Variants in CSMD1 observed in about 807,000 individuals in gnomAD.
CSMD1 encodes the protein CUB and sushi domain-containing protein 1.
In CSMD1, 213 loss-of-function variants were observed where a neutral mutation model predicts 417.5. That is an observed-to-expected ratio of 0.51 (90% confidence interval 0.46 to 0.57). The LOEUF (loss-of-function observed/expected upper bound fraction) is 0.57. Among genes scored for constraint, CSMD1 ranks in the 20% least tolerant of loss-of-function variants. The pLI is 0.00. For synonymous variants in CSMD1, 2,862 were observed against 1,736.8 expected (o/e 1.65, Z -16.11); for missense variants, 6,923 against 4,529.7 (o/e 1.53, Z -15.17).
chr8:4,739,331 T>G (rs1810450743), intron 1 of CSMD1, among the ~76,000 whole-genome samples: 1 of 152,322 alleles, frequency 6.6e-6, no homozygotes, highest in Middle Eastern at 3.4e-3. Context: ...ACTAGATATT[T>G]TATGGAGGAA....
intron 1 of CSMD1, among the ~76,000 whole-genome samples, chr8:4,753,197 G>T (rs1019620519): frequency 1.3e-5 from 2 of 152,000 alleles, no homozygotes; most frequent in Non-Finnish European, 2.9e-5. Flanking sequence ...CAGGAGTAAG[G>T]CCCGGGTCCC....
intron 7 of CSMD1, 111 bp from the exon 8 acceptor site, chr8:3,616,908 T>G (rs1453987636): frequency 7.6e-6 from 5 of 660,980 alleles, no homozygotes; most frequent in Non-Finnish European, 1.3e-5. Context: ...ACTTAAAATG[T>G]GATCTCCAAA....
At chr8:4,675,707 T>G (rs1352447910) in intron 1 of CSMD1, among the ~76,000 whole-genome samples, 1 of 152,140 alleles carries the variant, frequency 6.6e-6, no homozygotes, top group Non-Finnish European at 1.5e-5. Flanking sequence ...TATTTGGTAT[T>G]TTTTTTGCAT....
intron 2 of CSMD1, among the ~76,000 whole-genome samples, chr8:4,423,954 G>C (rs974082165): frequency 1.3e-5 from 2 of 151,958 alleles, no homozygotes; most frequent in South Asian, 2.1e-4. Flanking sequence ...AGATTCAAAA[G>C]AAATTGCATA....
intron 2 of CSMD1, among the ~76,000 whole-genome samples, chr8:4,477,178 T>C (rs145857273): frequency 1.3e-4 from 20 of 152,308 alleles, no homozygotes; most frequent in African/African-American, 4.8e-4. Flanking sequence ...ACTGTCTTCC[T>C]GCGCAGACAC....
At chr8:4,416,610 C>T (rs1279891954) in intron 3 of CSMD1, among the ~76,000 whole-genome samples, 1 of 151,900 alleles carries the variant, frequency 6.6e-6, no homozygotes. Context: ...AGAAGAATTC[C>T]TTTTTAAAAT....
chr8:4,153,859 G>A (rs914964166), intron 3 of CSMD1, among the ~76,000 whole-genome samples: 3 of 152,182 alleles, frequency 2.0e-5, no homozygotes, highest in African/African-American at 7.2e-5. Context: ...GTAGCTATGT[G>A]GCTTTCCTGA....
intron 21 of CSMD1, 56 bp downstream of exon 21, chr8:3,359,096 C>G (rs1372252044): frequency 6.4e-7 from 1 of 1,571,382 alleles, no homozygotes; most frequent in Middle Eastern, 1.8e-4. Context: ...AGGCTTCTTG[C>G]CTGGGCTAGA....
At position 3,091,530 on chromosome 8, in the gene CSMD1, T is replaced by C. The variant is rs890023956; in HGVS notation, c.7271A>G (p.Lys2424Arg). Residue 2424 changes from lysine (K) to arginine (R), a missense_variant, in exon 48 of 70, where the codon AAG becomes AGG. Lys to Arg is a conservative substitution (Grantham distance 26, BLOSUM62 2). Coordinates refer to ENST00000635120, the MANE Select transcript of CSMD1 (RefSeq NM_033225.6). Reference sequence around the variant, plus strand: ...CATTTACTTACCTGCATAGCGAATCTTGAATCCTTTCTTACTGGTGGCATG... The same window carrying C: ...CATTTACTTACCTGCATAGCGAATCCTGAATCCTTTCTTACTGGTGGCATG... ...TDHATSKKGF[K>R]IRYAAPYCSL... 1 of 1,604,582 alleles carries C rather than the reference T, an allele frequency of 6.2e-7. No homozygotes were observed. The highest frequency in any genetic ancestry group is 8.5e-7 in the Non-Finnish European group (1 of 1,177,910).
intron 23 of CSMD1, among the ~76,000 whole-genome samples, chr8:3,313,641 G>A (rs1348241599): frequency 2.6e-5 from 4 of 152,184 alleles, no homozygotes; most frequent in Non-Finnish European, 5.9e-5. Flanking sequence ...AGAGGATGTG[G>A]AGAAATAGGA....
intron 3 of CSMD1, among the ~76,000 whole-genome samples, chr8:4,207,911 T>C (rs1406034560): frequency 1.3e-5 from 2 of 152,112 alleles, no homozygotes; most frequent in Admixed American, 6.5e-5. Flanking sequence ...CATAACTATA[T>C]TTATATTAAA....
chr8:4,601,043 G>A (rs945799687), intron 2 of CSMD1, among the ~76,000 whole-genome samples: 4 of 147,272 alleles, frequency 2.7e-5, no homozygotes, highest in African/African-American at 7.5e-5. Flanking sequence ...TGCAACCTCC[G>A]TCTCCCAGGT....
chr8:3,926,053 T>TACACACACACACAAACACCATAC (rs1809656801), intron 5 of CSMD1, among the ~76,000 whole-genome samples: 2 of 87,820 alleles, frequency 2.3e-5, no homozygotes, highest in African/African-American at 3.6e-5. Flanking sequence ...AAACACCATA[T>TACACACACACACAAACACCATAC]ACACACACAC....
chr8:3,962,505 A>AC (rs1812398245), intron 5 of CSMD1, among the ~76,000 whole-genome samples: 1 of 152,140 alleles, frequency 6.6e-6, no homozygotes, highest in Admixed American at 6.5e-5. Flanking sequence ...GCATGCAGGA[A>AC]CCCCTATATT....
chr8:4,402,655 A>T (rs557295360), intron 3 of CSMD1, among the ~76,000 whole-genome samples: 4 of 152,246 alleles, frequency 2.6e-5, no homozygotes, highest in African/African-American at 9.6e-5. Flanking sequence ...TCACATTTTC[A>T]TTAATGAATT....
intron 5 of CSMD1, among the ~76,000 whole-genome samples, chr8:3,832,374 C>A (rs1288889509): frequency 6.6e-6 from 1 of 152,132 alleles, no homozygotes; most frequent in Non-Finnish European, 1.5e-5. Flanking sequence ...TTAGTTTTTT[C>A]TGGTGACATT....
chr8:4,515,828 A>G (rs1803086557), intron 2 of CSMD1, among the ~76,000 whole-genome samples: 1 of 152,292 alleles, frequency 6.6e-6, no homozygotes, highest in East Asian at 1.9e-4. Context: ...TTATTTCTTC[A>G]TTGCAGGCTG....
At chr8:3,086,458 G>C (rs541921386) in intron 49 of CSMD1, among the ~76,000 whole-genome samples, 1 of 152,074 alleles carries the variant, frequency 6.6e-6, no homozygotes, top group African/African-American at 2.4e-5. Context: ...GAGCCTATAT[G>C]AGCTTTCACT....
intron 25 of CSMD1, among the ~76,000 whole-genome samples, chr8:3,296,444 G>T (rs74830603): frequency 1.3e-5 from 2 of 152,096 alleles, no homozygotes; most frequent in South Asian, 4.1e-4. Context: ...ACGCACAGAG[G>T]GCTTTGTAGG....
Sources: gnomAD v4.1 joint callset for allele counts (sites outside exome capture counted in the v4.1 genomes callset) on GRCh38, gnomAD v4.1.1 for gene constraint, MANE v1.5 for transcripts, NCBI Gene and HGNC (gene_info 2026-07-23, HGNC 2026-07-21) for gene names.